SACM1L: variants seen among roughly 807,000 people sequenced by gnomAD.
SACM1L encodes phosphatidylinositol-3-phosphatase SAC1.
SACM1L carries 32 observed loss-of-function variants against 89.5 expected under a neutral mutation model. The ratio of observed to expected loss-of-function variants is 0.36; its 90% CI spans 0.27 to 0.48. The LOEUF is 0.48. SACM1L is among the 20% of genes least tolerant of loss of function. SACM1L has a pLI of 0.99. For synonymous variants in SACM1L, 213 were observed against 232.8 expected (o/e 0.92, Z 0.77); for missense variants, 543 against 708.5 (o/e 0.77, Z 2.65).
At chr3:45,736,207 C>G (rs1699194112) in intron 14 of SACM1L, among the ~76,000 whole-genome samples, 1 of 152,126 alleles carries the variant, frequency 6.6e-6, no homozygotes, top group Admixed American at 6.5e-5. Context: ...AGTAGCACCT[C>G]AAGATTGTTT....
At chr3:45,689,549 C>T (rs1161616135) in intron 1 of SACM1L, 52 bp downstream of exon 1, 4 of 1,540,938 alleles carry the variant, frequency 2.6e-6, no homozygotes, top group African/African-American at 2.7e-5. Flanking sequence ...GCGGCAGGTG[C>T]GGGCCCTGGC....
chr3:45,728,056 T>C (rs1698964703), intron 11 of SACM1L, among the ~76,000 whole-genome samples: 1 of 152,236 alleles, frequency 6.6e-6, no homozygotes, highest in Non-Finnish European at 1.5e-5. Context: ...TTGTCTTTTG[T>C]AACAATGTTT....
chr3:45,736,529 T>A (rs564724919), intron 14 of SACM1L, among the ~76,000 whole-genome samples: 5 of 152,124 alleles, frequency 3.3e-5, no homozygotes. Flanking sequence ...GAATGAATTG[T>A]TCTTGAATCT....
chr3:45,732,069 T>C lies in SACM1L; in HGVS notation c.1018T>C (p.Phe340Leu), dbSNP rs1699085060. 1 of 1,590,336 alleles carries C rather than the reference T, an allele frequency of 6.3e-7. No individual in the cohort carries two copies. Among genetic ancestry groups the C allele is most frequent in the Non-Finnish European group, 8.5e-7 (1 of 1,170,712 alleles). The change falls in exon 13 of 20, where the codon TTC becomes CTC. Residue 340 changes from phenylalanine (F) to leucine (L), a missense_variant. Phe to Leu is a conservative substitution (Grantham distance 22, BLOSUM62 0). Transcript: ENST00000389061. ...TTTTGGTAGATACATTGCCTTTGAC[T>C]TCCATAAGGAATGTAAAAATATGAG... ...SGMMRYIAFD[F>L]HKECKNMRWD...
At chr3:45,709,783 CCT>C (rs538415288) in intron 5 of SACM1L, 136 bp downstream of exon 5, 26 of 747,706 alleles carry the variant, frequency 3.5e-5, no homozygotes, top group East Asian at 2.5e-4. Flanking sequence ...GAAAATATAC[CCT>C]GTTTTAAATA....
intron 14 of SACM1L, 90 bp from the exon 15 acceptor site, chr3:45,737,493 T>C: frequency 8.3e-7 from 1 of 1,204,502 alleles, no homozygotes. Context: ...CCAGGCACCA[T>C]GAGATAAAAT....
intron 19 of SACM1L, 180 bp downstream of exon 19, chr3:45,739,824 T>G (rs2673074): frequency 6.3e-6 from 4 of 638,102 alleles, no homozygotes; most frequent in African/African-American, 3.7e-5. Context: ...CCTAGTAGTT[T>G]GATGGTTGTC....
At chr3:45,736,513 C>G (rs943283266) in intron 14 of SACM1L, among the ~76,000 whole-genome samples, 3 of 152,030 alleles carry the variant, frequency 2.0e-5, no homozygotes, top group Non-Finnish European at 4.4e-5. Context: ...TAAAATACCC[C>G]CTTCAGAATG....
intron 11 of SACM1L, among the ~76,000 whole-genome samples, chr3:45,724,334 T>TGTGTGTGTGTGTG (rs1553653984): frequency 6.6e-6 from 1 of 151,484 alleles, no homozygotes; most frequent in African/African-American, 2.4e-5. Flanking sequence ...TGTGTGTGTG[T>TGTGTGTGTGTGTG]TTAATGATAG....
intron 18 of SACM1L, 39 bp downstream of exon 18, chr3:45,738,912 A>G (rs1188902442): frequency 3.1e-6 from 4 of 1,271,418 alleles, no homozygotes; most frequent in Non-Finnish European, 4.6e-6. Flanking sequence ...TTTTAAAAGC[A>G]TTGTGTCTGA....
intron 19 of SACM1L, 179 bp downstream of exon 19, chr3:45,739,823 T>G (rs1482504784): frequency 1.6e-6 from 1 of 637,994 alleles, no homozygotes; most frequent in Non-Finnish European, 2.7e-6. Flanking sequence ...ACCTAGTAGT[T>G]TGATGGTTGT....
At position 45,726,201 on chromosome 3, in the gene SACM1L, T is replaced by C. The variant is rs953593468; in HGVS notation, c.921+2658T>C. ...TGGTTTTGATATCAGGATAATCTTATCTTTACAGAATAAGTTAGAAAGTGT... is the reference window on the plus strand; with the variant it reads ...TGGTTTTGATATCAGGATAATCTTACCTTTACAGAATAAGTTAGAAAGTGT... On this transcript the variant is annotated intron_variant, in intron 11 of 19. Coordinates refer to ENST00000389061, the MANE Select transcript of SACM1L (RefSeq NM_014016.5). 3.9e-5 allele frequency among the ~76,000 whole-genome samples: 6 copies of C among 152,308 alleles called. No homozygotes were observed. The East Asian group carries it at 9.6e-4, about 24-fold the overall frequency.
intron 19 of SACM1L, 51 bp downstream of exon 19, chr3:45,739,695 T>C (rs1310063156): frequency 6.5e-7 from 1 of 1,545,752 alleles, no homozygotes; most frequent in Non-Finnish European, 8.9e-7. Flanking sequence ...GACCTTTCTT[T>C]TACAACATCT....
In SACM1L at chr3:45,705,192, C is replaced by T. The variant is rs1359401221; in HGVS notation, c.188C>T (p.Thr63Ile). Residue 63 changes from threonine to isoleucine, a missense_variant, in exon 3 of 20, where the codon ACA (threonine) becomes ATA (isoleucine). Thr to Ile is a moderately conservative substitution (Grantham distance 89). Transcript: ENST00000389061. Reference protein sequence around the residue: ...VTRPIFGILGTIHLVAGNYLI... With the variant: ...VTRPIFGILGIIHLVAGNYLI... Reference sequence around the variant, plus strand: ...AGACCAATATTTGGTATACTGGGCACAATCCATCTGGTGGCAGGTAAGAGA... The same window carrying T: ...AGACCAATATTTGGTATACTGGGCATAATCCATCTGGTGGCAGGTAAGAGA... 1 of 1,608,326 alleles carries T rather than the reference C, an allele frequency of 6.2e-7. No individual in the cohort carries two copies.
intron 7 of SACM1L, among the ~76,000 whole-genome samples, chr3:45,714,389 G>A (rs998884113): frequency 9.9e-5 from 15 of 152,140 alleles, no homozygotes; most frequent in Non-Finnish European, 2.9e-5. Flanking sequence ...TTACACATAA[G>A]TAGTTTGGAC....
At position 45,705,158 on chromosome 3, in the gene SACM1L, G is replaced by C. The variant is rs549075728; in HGVS notation, c.154G>C (p.Ala52Pro). 2.5e-5 allele frequency: 41 copies of C among 1,610,148 alleles called. No homozygotes were observed. The South Asian group carries it at 3.2e-4, about 13-fold the overall frequency. ...AGTCAAGAAAGATGTTCCTCCTTCA[G>C]CTGTCACAAGACCAATATTTGGTAT... ...LAVKKDVPPS[A>P]VTRPIFGILG... Residue 52 changes from alanine to proline, a missense_variant, in exon 3 of 20, where the codon GCT becomes CCT. Transcript: ENST00000389061.
chr3:45,707,877 TC>T (rs1698434180), intron 4 of SACM1L, among the ~76,000 whole-genome samples: 1 of 152,198 alleles, frequency 6.6e-6, no homozygotes, highest in South Asian at 2.1e-4. Context: ...CAAGCACTGT[TC>T]AAGTCTCTTG....
chr3:45,739,822 TTTGATGG>T (rs1203431416), intron 19 of SACM1L, 178 bp downstream of exon 19: 1 of 640,934 alleles, frequency 1.6e-6, no homozygotes, highest in Admixed American at 2.9e-5. Context: ...TACCTAGTAG[TTTGATGG>T]TTGTCGTTTT....
chr3:45,707,038 C>G (rs1698414233), intron 4 of SACM1L, 131 bp downstream of exon 4: 2 of 728,408 alleles, frequency 2.7e-6, no homozygotes, highest in African/African-American at 1.8e-5. Context: ...TAAGATCACT[C>G]TACCTACTTT....
Sources: allele counts gnomAD v4.1 joint callset (sites outside exome capture counted in the v4.1 genomes callset), GRCh38; gene constraint gnomAD v4.1.1; transcripts MANE v1.5; gene names NCBI Gene and HGNC (gene_info 2026-07-23, HGNC 2026-07-21).